The following VIRMA variants were observed in gnomAD, a reference collection of about 807,000 sequenced individuals.
The protein encoded by VIRMA is vir like m6A methyltransferase associated.
In VIRMA, 65 loss-of-function variants were observed where a neutral mutation model predicts 182.4. The observed-to-expected ratio is 0.36, with a 90% confidence interval of 0.29 to 0.44. VIRMA has a LOEUF of 0.44. Among genes scored for constraint, VIRMA ranks in the 20% least tolerant of loss-of-function variants. The pLI is 1.00. For synonymous variants in VIRMA, 709 were observed against 743.1 expected (o/e 0.95, Z 0.75); for missense variants, 1,752 against 2,158.1 (o/e 0.81, Z 3.73).
At chr8:94,553,240 T>G in intron 1 of VIRMA, 145 bp downstream of exon 1, 1 of 788,416 alleles carries the variant, frequency 1.3e-6, no homozygotes, top group Non-Finnish European at 2.2e-6. Context: ...GACGCGATGC[T>G]CACACAGCTC....
chr8:94,546,286 T>A (rs1815761367), intron 1 of VIRMA, among the ~76,000 whole-genome samples: 1 of 151,012 alleles, frequency 6.6e-6, no homozygotes, highest in African/African-American at 2.5e-5. Context: ...AGCCTCTCCA[T>A]TTCAATGTCC....
chr8:94,514,597 G>A (rs1310995109), intron 11 of VIRMA, among the ~76,000 whole-genome samples: 2 of 152,188 alleles, frequency 1.3e-5, no homozygotes, highest in African/African-American at 4.8e-5. Context: ...GATGGTAGGT[G>A]ATACTATTTC....
chr8:94,536,292 T>C (rs1166049497), intron 4 of VIRMA, among the ~76,000 whole-genome samples: 3 of 152,102 alleles, frequency 2.0e-5, no homozygotes, highest in Non-Finnish European at 4.4e-5. Flanking sequence ...CTAAACAGGA[T>C]GCAAAGGATT....
At position 94,519,018 on chromosome 8, in the gene VIRMA, G is replaced by T; in HGVS notation, c.2480C>A (p.Thr827Asn). The T allele has an allele frequency of 6.2e-7, 1 of 1,613,344 alleles. No homozygotes were observed. The highest frequency in any genetic ancestry group is 1.7e-5 in the Admixed American group (1 of 59,996). ...TTCTTTGGAATAGTACTCCATTAGA[G>T]TAATAAGACTTTGGAGATTTTTCTC... The part of the protein sequence containing the change: ...SLEKNLQSLI[T>N]LMEYYSKEAL... The change falls in exon 9 of 24, where the codon ACT becomes AAT. Residue 827 changes from threonine to asparagine, a missense_variant. This residue lies in a region of VIRMA where 777 missense variants were observed against 920.6 expected (regional missense o/e 0.84). Transcript: ENST00000297591.
At chr8:94,499,022 A>C (rs1813880590) in intron 17 of VIRMA, 1 of 154,358 alleles carries the variant, frequency 6.5e-6, no homozygotes, top group Non-Finnish European at 1.4e-5. Flanking sequence ...TGGAGGTTGC[A>C]GTGAGCCGAG....
At chr8:94,518,879 T>C (rs1814653535) in intron 9 of VIRMA, 106 bp downstream of exon 9, 1 of 1,041,810 alleles carries the variant, frequency 9.6e-7, no homozygotes, top group Non-Finnish European at 1.4e-6. Context: ...ATATCAAAAC[T>C]ATAGTTTTTC....
At chr8:94,507,720 C>T (rs918653225) in intron 15 of VIRMA, among the ~76,000 whole-genome samples, 2 of 151,854 alleles carry the variant, frequency 1.3e-5, no homozygotes, top group Non-Finnish European at 2.9e-5. Context: ...TGCCACTGCA[C>T]TCCAGTCTGG....
Position 94,492,763 on chromosome 8 carries a change from T to G in VIRMA, c.4697A>C (p.His1566Pro), listed in dbSNP as rs771219954. The G allele has an allele frequency of 6.2e-6, 10 of 1,613,572 alleles. No homozygotes were observed. Among genetic ancestry groups the G allele is most frequent in the Non-Finnish European group, 8.5e-7 (1 of 1,179,728 alleles). The change falls in exon 21 of 24, where the codon CAC becomes CCC. Residue 1566 changes from histidine to proline, a missense_variant. This residue lies in a region of VIRMA where 777 missense variants were observed against 920.6 expected (regional missense o/e 0.84). Transcript: ENST00000297591. ...SEKCCSDFDL[H>P]SELERSFLSE... ...CAAAAATGAGCGCTCTAATTCTGAG[T>G]GCAAATCAAAGTCACTACAGCATTT...
chr8:94,500,647 G>A (rs867494730), intron 16 of VIRMA, among the ~76,000 whole-genome samples: 9 of 141,522 alleles, frequency 6.4e-5, no homozygotes, highest in African/African-American at 2.2e-4. Context: ...AAAACAGTTC[G>A]GTAGTTTCTT....
chr8:94,510,531 T>A lies in VIRMA; in HGVS notation c.3512A>T (p.Gln1171Leu). 3 of 1,614,172 alleles carry A rather than the reference T, an allele frequency of 1.9e-6. No individual in the cohort carries two copies. Among genetic ancestry groups the A allele is most frequent in the Non-Finnish European group, 2.5e-6 (3 of 1,180,024 alleles). Residue 1171 changes from glutamine to leucine, a missense_variant, in exon 14 of 24, where the codon CAG becomes CTG. Physicochemically the swap from Gln to Leu is moderately radical, Grantham distance 113 (BLOSUM62 -2). This residue lies in a region of VIRMA where 777 missense variants were observed against 920.6 expected (regional missense o/e 0.84). Coordinates refer to ENST00000297591, the MANE Select transcript of VIRMA (RefSeq NM_015496.5). ...ACGCCGTAACATATGTTGAATGGGC[T>A]GGCAGGTTGTGCCAGAGAAAGAGCG... ...IVRSFSGTTCQPIQHMLRRIC... is the reference protein window; with the variant it reads ...IVRSFSGTTCLPIQHMLRRIC...
chr8:94,518,016 C>T, intron 9 of VIRMA, 74 bp from the exon 10 acceptor site: 1 of 1,162,914 alleles, frequency 8.6e-7, no homozygotes. Context: ...AAATTTTCTT[C>T]TACTTGGCTT....
chr8:94,502,265 G>C (rs1017808316), intron 16 of VIRMA, among the ~76,000 whole-genome samples: 2 of 151,946 alleles, frequency 1.3e-5, no homozygotes, highest in Admixed American at 1.3e-4. Context: ...TTGAGCCCGG[G>C]AGGCGAAGGC....
chr8:94,502,537 G>A (rs1814027337), intron 16 of VIRMA, among the ~76,000 whole-genome samples: 2 of 151,996 alleles, frequency 1.3e-5, no homozygotes, highest in South Asian at 4.1e-4. Flanking sequence ...GTATGTAAAT[G>A]TGTGATGAAT....
At position 94,509,667 on chromosome 8, in the gene VIRMA, TTATAAAA is replaced by T; in HGVS notation, c.3879+14_3879+20del. 1.3e-6 allele frequency: 2 copies of T among 1,595,068 alleles called. No individual in the cohort carries two copies. Among genetic ancestry groups the T allele is most frequent in the Non-Finnish European group, 1.7e-6 (2 of 1,171,564 alleles). ...ACACATACACATGCAGAGAGAGACT[TTATAAAA>T]TAACTATAAATACCTGATCACAGAG... is the stretch of plus-strand genomic sequence containing the variant. On this transcript the variant is annotated intron_variant, in intron 15 of 23. Coordinates refer to ENST00000297591, the MANE Select transcript of VIRMA (RefSeq NM_015496.5).
At chr8:94,543,994 C>CAA (rs776974599) in intron 1 of VIRMA, 52 bp from the exon 2 acceptor site, 1 of 867,150 alleles carries the variant, frequency 1.2e-6, no homozygotes, top group Non-Finnish European at 1.9e-6. Flanking sequence ...TTATGTAAAA[C>CAA]AGTTTCTCTA....
intron 1 of VIRMA, among the ~76,000 whole-genome samples, chr8:94,550,826 C>A (rs774038277): frequency 2.0e-5 from 3 of 152,128 alleles, no homozygotes; most frequent in African/African-American, 7.2e-5. Flanking sequence ...GCTAGCAATT[C>A]TCCTGCCTCA....
At chr8:94,507,291 A>C (rs1300359844) in intron 15 of VIRMA, among the ~76,000 whole-genome samples, 2 of 151,652 alleles carry the variant, frequency 1.3e-5, no homozygotes, top group Non-Finnish European at 2.9e-5. Context: ...ATGCAGCACC[A>C]CACCCGGCTA....
At chr8:94,523,814 T>C (rs1814859038) in intron 8 of VIRMA, among the ~76,000 whole-genome samples, 1 of 144,016 alleles carries the variant, frequency 6.9e-6, no homozygotes, top group Non-Finnish European at 1.5e-5. Context: ...TTTTTTGAGA[T>C]AGCATCTCAC....
Position 94,507,932 on chromosome 8 carries a change from C to T in VIRMA, c.3880-1215G>A, listed in dbSNP as rs374788467. ...ATATGTATGTGTATATATGTATGTA[C>T]ATATGTGTATATGTGTATATATGTA... On this transcript the variant is annotated intron_variant, in intron 15 of 23. Transcript: ENST00000297591. Among the ~76,000 whole-genome samples the T allele has an allele frequency of 5.5e-4, 42 of 76,968 alleles. 1 individual carries two copies. The highest frequency in any genetic ancestry group is 1.3e-3 in the South Asian group (2 of 1,532). 50.5% of individuals were successfully genotyped at this position (76,968 alleles called of 152,430 possible). A position where few individuals can be genotyped will look rare whatever the true frequency, so the allele number is the denominator to read the frequency against.
Sources: gnomAD v4.1 joint callset for allele counts (sites outside exome capture counted in the v4.1 genomes callset) on GRCh38, gnomAD v4.1.1 for gene constraint, gnomAD v4.1.1 regional missense constraint, MANE v1.5 for transcripts, NCBI Gene and HGNC (gene_info 2026-07-23, HGNC 2026-07-21) for gene names.